The following CHD9 variants were observed in gnomAD, a reference collection of about 807,000 sequenced individuals.
CHD9 encodes ATP-dependent chromatin remodeler CHD9.
A neutral mutation model predicts 316.1 loss-of-function variants in CHD9; 77 were observed. That is an observed-to-expected ratio of 0.24 (90% confidence interval 0.20 to 0.29). The LOEUF (loss-of-function observed/expected upper bound fraction) is 0.29. Among genes scored for constraint, CHD9 ranks in the 10% least tolerant of loss-of-function variants. The pLI is 1.00. For synonymous variants in CHD9, 1,129 were observed against 1,158.3 expected, an observed-to-expected ratio of 0.97 and a Z score of 0.51; for missense variants, 2,763 against 3,438.1, an observed-to-expected ratio of 0.80 and a Z score of 4.91.
intron 2 of CHD9, 134 bp downstream of exon 2, chr16:53,157,675 A>T (rs1320433937): frequency 1.8e-5 from 14 of 799,676 alleles, no homozygotes; most frequent in Non-Finnish European, 2.7e-5. Flanking sequence ...ACATATTTTG[A>T]TATAGGTTTA....
intron 37 of CHD9, chr16:53,319,828 A>G: frequency 7.9e-7 from 1 of 1,265,998 alleles, no homozygotes. Flanking sequence ...AGGATTGATG[A>G]GTTATTAAGG....
chr16:53,315,155 G>A, intron 36 of CHD9, 111 bp downstream of exon 36: 1 of 711,344 alleles, frequency 1.4e-6, no homozygotes, highest in Non-Finnish European at 2.3e-6. Context: ...CTCTGCCTAA[G>A]ACCTAGGAGA....
At chr16:53,269,389 AACAAGATAG>A (rs2052006416) in intron 22 of CHD9, among the ~76,000 whole-genome samples, 1 of 152,196 alleles carries the variant, frequency 6.6e-6, no homozygotes, top group South Asian at 2.1e-4. Flanking sequence ...GATAAGAAGA[AACAAGATAG>A]ACAAGATCCC....
At chr16:53,094,431 T>C (rs2036211399) in intron 1 of CHD9, among the ~76,000 whole-genome samples, 1 of 151,940 alleles carries the variant, frequency 6.6e-6, no homozygotes, top group South Asian at 2.1e-4. Flanking sequence ...GCCGGGGTGT[T>C]TCCCAGCCCC....
chr16:53,300,571 T>G (rs116268768), intron 30 of CHD9, among the ~76,000 whole-genome samples: 42 of 152,358 alleles, frequency 2.8e-4, no homozygotes, highest in African/African-American at 1.0e-3. Context: ...GATGTCAGCT[T>G]GATTAATGCA....
chr16:53,321,345 A>G, intron 37 of CHD9, 181 bp from the exon 38 acceptor site: 1 of 1,382,046 alleles, frequency 7.2e-7, no homozygotes, highest in Non-Finnish European at 9.4e-7. Flanking sequence ...ACATATTTAT[A>G]TATTACATCA....
At chr16:53,140,515 A>G (rs1050869673) in intron 1 of CHD9, among the ~76,000 whole-genome samples, 18 of 152,184 alleles carry the variant, frequency 1.2e-4, no homozygotes, top group African/African-American at 4.1e-4. Flanking sequence ...AGTGGCAACT[A>G]GGAAATTTGT....
chr16:53,073,142 C>T (rs1388544948), intron 1 of CHD9, among the ~76,000 whole-genome samples: 4 of 152,176 alleles, frequency 2.6e-5, no homozygotes, highest in East Asian at 1.9e-4. Context: ...TTTCTATTTT[C>T]GCCTCCCCGT....
At chr16:53,100,169 C>T (rs1212957403) in intron 1 of CHD9, among the ~76,000 whole-genome samples, 1 of 152,212 alleles carries the variant, frequency 6.6e-6, no homozygotes, top group Non-Finnish European at 1.5e-5. Flanking sequence ...ACATGACTCA[C>T]CCGGAGAATG....
At chr16:53,136,575 T>A (rs1242422209) in intron 1 of CHD9, among the ~76,000 whole-genome samples, 1 of 150,642 alleles carries the variant, frequency 6.6e-6, no homozygotes, top group Non-Finnish European at 1.5e-5. Flanking sequence ...AAAAAAAATC[T>A]AGGAATTTAA....
chr16:53,223,835 G>A (rs980387377), intron 4 of CHD9, among the ~76,000 whole-genome samples: 2 of 151,846 alleles, frequency 1.3e-5, no homozygotes, highest in African/African-American at 4.8e-5. Context: ...ATATTTGATT[G>A]TGTCATTAAA....
Position 53,300,733 on chromosome 16 carries a change from A to G in CHD9, c.5714-2987A>G, listed in dbSNP as rs1395908203. Among the ~76,000 whole-genome samples the G allele has an allele frequency of 2.6e-5, 4 of 152,216 alleles. No individual in the cohort carries two copies. In the East Asian group the frequency reaches 5.8e-4, roughly 22 times the overall value. On this transcript the variant is annotated intron_variant, in intron 30 of 38. Coordinates refer to ENST00000447540, the MANE Select transcript of CHD9 (RefSeq NM_001308319.2). ...CAGACCCGCAGTGTTCAAGTGCTGG[A>G]TATCCCTCATAAACCAGTGCAGGCA...
At position 53,156,028 on chromosome 16, in the gene CHD9, A is replaced by G. The variant is rs575845173; in HGVS notation, c.-62A>G. Reference sequence around the variant, plus strand: ...CGGAAATGATCCAATAATATCTACTATAGAGAAGCTGAATATACTCCATTT... The same window carrying G: ...CGGAAATGATCCAATAATATCTACTGTAGAGAAGCTGAATATACTCCATTT... On this transcript the variant is annotated 5_prime_UTR_variant, in exon 2 of 39. Transcript: ENST00000447540. The G allele has an allele frequency of 2.0e-5, 30 of 1,492,934 alleles. No individual in the cohort carries two copies. The East Asian group carries it at 4.8e-4, about 24-fold the overall frequency. The allele number at this position is 1,492,934 out of a possible 1,614,324, so 92.5% of individuals were successfully genotyped here.
In CHD9 at chr16:53,324,166, C is replaced by T. The variant is rs765763783; in HGVS notation, c.7965C>T (p.Gly2655=). 1 of 1,614,020 alleles carries T rather than the reference C, an allele frequency of 6.2e-7. No individual in the cohort carries two copies. The highest frequency in any genetic ancestry group is 1.1e-5 in the South Asian group (1 of 91,086). The change falls in exon 39 of 39, where the codon GGC becomes GGT. Residue 2655 remains glycine (G), a synonymous_variant. Coordinates refer to ENST00000447540, the MANE Select transcript of CHD9 (RefSeq NM_001308319.2). The stretch of plus-strand genomic sequence containing the variant: ...CTGCATCTGCCACCAGTGTTTCAGG[C>T]AATCCTTTGTTAGCCAATGGACTAC... The part of the protein sequence containing the change: ...AAAASATSVS[G]NPLLANGLLP...
chr16:53,095,394 T>A (rs897173901), intron 1 of CHD9, among the ~76,000 whole-genome samples: 3 of 151,304 alleles, frequency 2.0e-5, no homozygotes, highest in African/African-American at 7.3e-5. Context: ...AAAAAATTTT[T>A]AAAATGTAGC....
Position 53,157,515 on chromosome 16 carries a change from A to G in CHD9, c.1426A>G (p.Arg476Gly). 6.2e-7 allele frequency: 1 copy of G among 1,613,428 alleles called. No individual in the cohort carries two copies. The highest frequency in any genetic ancestry group is 8.5e-7 in the Non-Finnish European group (1 of 1,179,470). The change falls in exon 2 of 39, where the codon AGA (arginine) becomes GGA (glycine). Residue 476 changes from arginine (R) to glycine (G), a missense_variant. By Grantham distance (125) the Arg-to-Gly change is moderately radical (BLOSUM62 -2). Coordinates refer to ENST00000447540, the MANE Select transcript of CHD9 (RefSeq NM_001308319.2). ...SFSNHQHLHD[R>G]NHLCLQRQPP... ...TTCTAATCATCAGCATTTACATGAC[A>G]GAAATCACCTATGTTTACAGCGACA...
In CHD9 at chr16:53,157,074, A is replaced by C; in HGVS notation, c.985A>C (p.Asn329His). The change falls in exon 2 of 39, where the codon AAT (asparagine) becomes CAT (histidine). Residue 329 changes from asparagine to histidine, a missense_variant. Coordinates refer to ENST00000447540, the MANE Select transcript of CHD9 (RefSeq NM_001308319.2). ...ATCTACTCAGCATATCCTAAACCCCAATACATCATTGAATTCAAATAATTT... is the reference window on the plus strand; with the variant it reads ...ATCTACTCAGCATATCCTAAACCCCCATACATCATTGAATTCAAATAATTT... The part of the protein sequence containing the change: ...QESTQHILNP[N>H]TSLNSNNFQI... 6.2e-7 allele frequency: 1 copy of C among 1,613,136 alleles called. No homozygotes were observed. Among genetic ancestry groups the C allele is most frequent in the Non-Finnish European group, 8.5e-7 (1 of 1,179,576 alleles).
At position 53,064,173 on chromosome 16, in the gene CHD9, T is replaced by C. The variant is rs558375248; in HGVS notation, c.-165+9096T>C. Among the ~76,000 whole-genome samples the C allele has an allele frequency of 9.2e-5, 14 of 152,178 alleles. No homozygotes were observed. In the South Asian group the frequency reaches 2.9e-3, roughly 32 times the overall value. On this transcript the variant is annotated intron_variant, in intron 1 of 38. Transcript: ENST00000447540. ...TCTTTAGAGCCTCAGAAGATCAATCTATTCCCTTTTCATCACCACAGTTCT... is the reference window on the plus strand; with the variant it reads ...TCTTTAGAGCCTCAGAAGATCAATCCATTCCCTTTTCATCACCACAGTTCT...
At position 53,198,002 on chromosome 16, in the gene CHD9, G is replaced by A. The variant is rs116443507; in HGVS notation, c.1453-11480G>A. Among the ~76,000 whole-genome samples the A allele has an allele frequency of 4.1e-3, 627 of 152,012 alleles. 4 individuals are homozygous for A. Among genetic ancestry groups the A allele is most frequent in the African/African-American group, 0.014 (594 of 41,454 alleles). Reference sequence around the variant, plus strand: ...GAACTCTTTCTGTGATTGGAATTACGGAAACCCTCTCCCTTCCTACATAGC... The same window carrying A: ...GAACTCTTTCTGTGATTGGAATTACAGAAACCCTCTCCCTTCCTACATAGC... On this transcript the variant is annotated intron_variant, in intron 2 of 38. Coordinates refer to ENST00000447540, the MANE Select transcript of CHD9 (RefSeq NM_001308319.2).
Sources: gnomAD v4.1 joint callset for allele counts (sites outside exome capture counted in the v4.1 genomes callset) on GRCh38, gnomAD v4.1.1 for gene constraint, MANE v1.5 for transcripts, NCBI Gene and HGNC (gene_info 2026-07-23, HGNC 2026-07-21) for gene names.